The following CTNNA3 variants were observed in gnomAD, a reference collection of about 807,000 sequenced individuals.
CTNNA3 encodes the protein catenin alpha-3.
In CTNNA3, 76 loss-of-function variants were observed where a neutral mutation model predicts 95.7. The observed-to-expected ratio is 0.79, with a 90% CI of 0.66 to 0.96. CTNNA3 has a LOEUF of 0.96. Among genes scored for constraint, CTNNA3 ranks in the 40% least tolerant of loss-of-function variants. The pLI is 0.00. For missense variants in CTNNA3, 1,191 were observed against 1,089.8 expected, an observed-to-expected ratio of 1.09 and a Z score of -1.31; for synonymous variants, 431 against 374.4, an observed-to-expected ratio of 1.15 and a Z score of -1.74.
intron 7 of CTNNA3, among the ~76,000 whole-genome samples, chr10:66,786,331 C>A (rs561891514): frequency 4.1e-4 from 62 of 152,132 alleles, no homozygotes; most frequent in South Asian, 1.9e-3. Context: ...CCTTCAGAAA[C>A]CTGAGAGCTA....
intron 5 of CTNNA3, among the ~76,000 whole-genome samples, chr10:67,237,965 A>C (rs1299821844): frequency 6.6e-6 from 1 of 152,128 alleles, no homozygotes; most frequent in East Asian, 1.9e-4. Context: ...AATTTTTAGG[A>C]GGTACAAATG....
intron 7 of CTNNA3, among the ~76,000 whole-genome samples, chr10:66,869,800 T>G (rs1434264869): frequency 2.0e-5 from 3 of 152,176 alleles, no homozygotes; most frequent in African/African-American, 7.2e-5. Flanking sequence ...GTGTTGGCAT[T>G]CATCCTGTCT....
intron 12 of CTNNA3, among the ~76,000 whole-genome samples, chr10:66,322,243 T>C (rs776855854): frequency 2.0e-5 from 3 of 152,096 alleles, no homozygotes; most frequent in African/African-American, 2.4e-5. Flanking sequence ...CTGCCAGCCA[T>C]AAACTATTGG....
intron 5 of CTNNA3, among the ~76,000 whole-genome samples, chr10:67,394,768 G>T (rs188770704): frequency 2.6e-5 from 4 of 152,102 alleles, no homozygotes; most frequent in Admixed American, 2.6e-4. Context: ...CCTATCCCCT[G>T]GGCCAATGTA....
chr10:66,640,734 AT>A (rs1456309281), intron 9 of CTNNA3, among the ~76,000 whole-genome samples: 3 of 152,084 alleles, frequency 2.0e-5, no homozygotes, highest in Non-Finnish European at 4.4e-5. Context: ...CCAGGGAAGA[AT>A]TTTTCCCCCC....
At chr10:65,955,310 C>G (rs545411196) in intron 17 of CTNNA3, among the ~76,000 whole-genome samples, 25 of 152,068 alleles carry the variant, frequency 1.6e-4, no homozygotes, top group Non-Finnish European at 3.2e-4. Flanking sequence ...GGTTTTCTAA[C>G]TATACAATCA....
intron 5 of CTNNA3, among the ~76,000 whole-genome samples, chr10:67,275,240 A>G (rs1389535109): frequency 6.6e-6 from 1 of 152,166 alleles, no homozygotes; most frequent in Non-Finnish European, 1.5e-5. Flanking sequence ...AGATGAGCAA[A>G]TTGAGGCAGA....
At chr10:66,971,213 G>T (rs1248715181) in intron 7 of CTNNA3, among the ~76,000 whole-genome samples, 2 of 152,072 alleles carry the variant, frequency 1.3e-5, no homozygotes, top group African/African-American at 2.4e-5. Flanking sequence ...AGATCACAAG[G>T]TCAGGAGTTC....
intron 7 of CTNNA3, among the ~76,000 whole-genome samples, chr10:67,143,320 G>A (rs1158978252): frequency 1.3e-5 from 2 of 150,610 alleles, no homozygotes; most frequent in Admixed American, 1.3e-4. Flanking sequence ...TACTCGAGAG[G>A]CTGGGACAGA....
intron 10 of CTNNA3, among the ~76,000 whole-genome samples, chr10:66,543,557 G>A (rs1841934106): frequency 6.6e-6 from 1 of 151,928 alleles, no homozygotes; most frequent in Admixed American, 6.6e-5. Flanking sequence ...GAAGCTGAAA[G>A]GTTATACACC....
chr10:66,752,294 A>G (rs1310199717), intron 9 of CTNNA3, among the ~76,000 whole-genome samples: 2 of 152,202 alleles, frequency 1.3e-5, no homozygotes, highest in East Asian at 3.8e-4. Context: ...CCACACATAT[A>G]GGCCAATAGA....
intron 7 of CTNNA3, among the ~76,000 whole-genome samples, chr10:66,900,104 C>A (rs1450872352): frequency 2.0e-5 from 3 of 152,102 alleles, no homozygotes; most frequent in African/African-American, 7.2e-5. Flanking sequence ...TAGGGGCCGA[C>A]AGACAACTCA....
At chr10:66,073,003 T>A (rs1219640400) in intron 14 of CTNNA3, among the ~76,000 whole-genome samples, 1 of 152,150 alleles carries the variant, frequency 6.6e-6, no homozygotes, top group East Asian at 1.9e-4. Context: ...GAGGAAATTA[T>A]GTTAAGTGAA....
intron 7 of CTNNA3, among the ~76,000 whole-genome samples, chr10:67,106,230 A>C (rs1395859294): frequency 1.3e-5 from 2 of 152,226 alleles, no homozygotes; most frequent in African/African-American, 4.8e-5. Flanking sequence ...ATTTTATGTA[A>C]TATAAAACTG....
rs537308444 is a variant in CTNNA3, at chr10:66,671,869, T to A, written c.1282-50085A>T. ...ATTACTCCCAGGGTTGCTGTGAGGA[T>A]AAAATAGGATAATACATACAAGTAA... On this transcript the variant is annotated intron_variant, in intron 9 of 17. Coordinates refer to ENST00000433211, the MANE Select transcript of CTNNA3 (RefSeq NM_013266.4). 1.2e-4 allele frequency among the ~76,000 whole-genome samples: 19 copies of A among 152,258 alleles called. No homozygotes were observed. In the South Asian group the frequency reaches 3.7e-3, roughly 30 times the overall value.
chr10:67,349,756 T>A (rs1246317090), intron 5 of CTNNA3, among the ~76,000 whole-genome samples: 1 of 152,118 alleles, frequency 6.6e-6, no homozygotes, highest in African/African-American at 2.4e-5. Context: ...AGAAGCATGC[T>A]GTAATGGCTA....
chr10:67,474,555 T>C (rs1847936004), intron 5 of CTNNA3, among the ~76,000 whole-genome samples: 1 of 152,158 alleles, frequency 6.6e-6, no homozygotes, highest in Non-Finnish European at 1.5e-5. Flanking sequence ...TCTGAGTTCT[T>C]TTATTATGGC....
At chr10:67,650,142 T>C (rs1839835991) in intron 1 of CTNNA3, among the ~76,000 whole-genome samples, 1 of 152,198 alleles carries the variant, frequency 6.6e-6, no homozygotes, top group Admixed American at 6.5e-5. Context: ...CTGGCCGGCA[T>C]TTGCATTTTG....
At chr10:66,390,636 A>C (rs368142075) in intron 11 of CTNNA3, among the ~76,000 whole-genome samples, 1 of 152,266 alleles carries the variant, frequency 6.6e-6, no homozygotes, top group African/African-American at 2.4e-5. Flanking sequence ...CAACAAATAA[A>C]AACAAGAATA....
Sources: allele counts gnomAD v4.1 joint callset (sites outside exome capture counted in the v4.1 genomes callset), GRCh38; gene constraint gnomAD v4.1.1; transcripts MANE v1.5; gene names NCBI Gene and HGNC (gene_info 2026-07-23, HGNC 2026-07-21).